REV3L: variants seen among roughly 807,000 people sequenced by gnomAD.
REV3L encodes the protein DNA polymerase zeta catalytic subunit.
REV3L carries 69 observed loss-of-function variants against 299.4 expected under a neutral mutation model. The observed-to-expected ratio is 0.23, with a 90% confidence interval of 0.19 to 0.28. The LOEUF is 0.28. Ranked by LOEUF, REV3L falls within the 10% of genes least tolerant of loss-of-function variation. The probability of loss-of-function intolerance (pLI) is 1.00; values close to 1 mark genes in which losing one functional copy is unlikely to be tolerated. For synonymous variants in REV3L, 1,238 were observed against 1,271.4 expected, an observed-to-expected ratio of 0.97 and a Z score of 0.56; for missense variants, 3,128 against 3,693.8, an observed-to-expected ratio of 0.85 and a Z score of 3.97.
At chr6:111,306,206 C>T (rs946202047) in intron 31 of REV3L, among the ~76,000 whole-genome samples, 7 of 152,022 alleles carry the variant, frequency 4.6e-5, no homozygotes, top group African/African-American at 1.4e-4. Flanking sequence ...AGGCTTCACC[C>T]AGTCCAGAGG....
At chr6:111,446,949 C>A (rs1426272421) in intron 1 of REV3L, among the ~76,000 whole-genome samples, 1 of 152,120 alleles carries the variant, frequency 6.6e-6, no homozygotes, top group East Asian at 1.9e-4. Flanking sequence ...CTATATGAGA[C>A]TTCTTTACCT....
intron 27 of REV3L, 35 bp downstream of exon 27, chr6:111,315,232 T>C (rs1773395324): frequency 6.7e-7 from 1 of 1,502,942 alleles, no homozygotes; most frequent in African/African-American, 1.4e-5. Flanking sequence ...GTATATGAAT[T>C]TTATATGTAA....
chr6:111,359,085 T>C (rs1425279173), intron 16 of REV3L, 71 bp from the exon 17 acceptor site: 1 of 1,276,596 alleles, frequency 7.8e-7, no homozygotes, highest in Non-Finnish European at 1.1e-6. Flanking sequence ...TATGTAAGGC[T>C]CTAGGGAAAT....
Position 111,374,535 on chromosome 6 carries a change from C to T in REV3L, c.3820G>A (p.Val1274Ile). ...AGGGAAGCAGAAAGGGGATGATCTA[C>T]AGCAGAGCCCATTAGTGGCATATCT... ...QKDMPLMGSAVDHPLSASLPT... is the reference protein window; with the variant it reads ...QKDMPLMGSAIDHPLSASLPT... Residue 1274 changes from valine to isoleucine, a missense_variant, in exon 13 of 32, where the codon GTA becomes ATA. By Grantham distance (29) the Val-to-Ile change is conservative. Around this residue, in one of 9 missense-constraint regions of REV3L, gnomAD observed 2,409 missense variants for 2,611.8 expected, o/e 0.92. Transcript: ENST00000368802. 2 of 1,614,026 alleles carry T rather than the reference C, an allele frequency of 1.2e-6. No homozygotes were observed. Among genetic ancestry groups the T allele is most frequent in the South Asian group, 1.1e-5 (1 of 91,068 alleles).
At chr6:111,318,738 T>C (rs1773808772) in intron 26 of REV3L, among the ~76,000 whole-genome samples, 1 of 151,714 alleles carries the variant, frequency 6.6e-6, no homozygotes, top group Non-Finnish European at 1.5e-5. Context: ...GCCCGGCTAA[T>C]TTTGTATTTT....
At position 111,315,342 on chromosome 6, in the gene REV3L, A is replaced by G; in HGVS notation, c.8391T>C (p.Ser2797=). Reference sequence around the variant, plus strand: ...CGGCAATTTCCTGACCAATCTTAAAAGACTGCTCCTTAGTGGCTCCTTTCA... The same window carrying G: ...CGGCAATTTCCTGACCAATCTTAAAGGACTGCTCCTTAGTGGCTCCTTTCA... ...VLLKGATKEQ[S]FKIGQEIAEA... is the part of the protein sequence containing the mutation. Residue 2797 remains serine, a synonymous_variant, in exon 27 of 32, where the codon TCT becomes TCC. Coordinates refer to ENST00000368802, the MANE Select transcript of REV3L (RefSeq NM_001372078.1). 2 of 1,614,102 alleles carry G rather than the reference A, an allele frequency of 1.2e-6. No homozygotes were observed. The highest frequency in any genetic ancestry group is 1.7e-6 in the Non-Finnish European group (2 of 1,179,998).
intron 1 of REV3L, among the ~76,000 whole-genome samples, chr6:111,436,201 T>C (rs544454969): frequency 9.8e-5 from 15 of 152,338 alleles, no homozygotes; most frequent in Admixed American, 7.8e-4. Context: ...CGTACACCAC[T>C]GCTGGGAATG....
intron 27 of REV3L, among the ~76,000 whole-genome samples, chr6:111,314,346 A>G (rs1773293314): frequency 6.6e-6 from 1 of 152,192 alleles, no homozygotes; most frequent in African/African-American, 2.4e-5. Context: ...CTTTAAATCT[A>G]GAGAGGCGTG....
intron 21 of REV3L, among the ~76,000 whole-genome samples, chr6:111,336,229 A>C (rs1386717712): frequency 6.6e-6 from 1 of 152,010 alleles, no homozygotes; most frequent in East Asian, 1.9e-4. Context: ...TACCTTCTTA[A>C]GAAAACAAAC....
chr6:111,339,085 A>T (rs1776229452), intron 21 of REV3L, among the ~76,000 whole-genome samples: 1 of 152,004 alleles, frequency 6.6e-6, no homozygotes, highest in Admixed American at 6.6e-5. Context: ...AAACTTAATA[A>T]CCTTTGCTGC....
In REV3L at chr6:111,374,737, C is replaced by G. The variant is rs1185311270; in HGVS notation, c.3618G>C (p.Lys1206Asn). The part of the protein sequence containing the change: ...QTNKLVDDGK[K>N]KPRAKQKTNE... The stretch of plus-strand genomic sequence containing the variant: ...TTGTTTTTTGTTTTGCTCTTGGTTT[C>G]TTTTTTCCATCATCTACTAGTTTAT... The change falls in exon 13 of 32, where the codon AAG (lysine) becomes AAC (asparagine). Residue 1206 changes from lysine (K) to asparagine (N), a missense_variant. Physicochemically the swap from Lys to Asn is moderately conservative, Grantham distance 94 (BLOSUM62 0). Coordinates refer to ENST00000368802, the MANE Select transcript of REV3L (RefSeq NM_001372078.1). The G allele has an allele frequency of 6.2e-7, 1 of 1,612,844 alleles. No homozygotes were observed. Among genetic ancestry groups the G allele is most frequent in the Non-Finnish European group, 8.5e-7 (1 of 1,179,652 alleles).
chr6:111,335,981 A>G (rs903751505), intron 21 of REV3L, among the ~76,000 whole-genome samples: 9 of 151,816 alleles, frequency 5.9e-5, no homozygotes, highest in Non-Finnish European at 1.2e-4. Flanking sequence ...ATTATTTATC[A>G]TATCTATAGA....
chr6:111,342,664 T>C (rs1447680233), intron 21 of REV3L, among the ~76,000 whole-genome samples: 1 of 117,226 alleles, frequency 8.5e-6, no homozygotes, highest in African/African-American at 2.6e-5. Context: ...CGAGACTCTG[T>C]CTCAAAAAAA....
chr6:111,378,894 T>G (rs1780563346), intron 11 of REV3L, among the ~76,000 whole-genome samples: 1 of 152,192 alleles, frequency 6.6e-6, no homozygotes, highest in African/African-American at 2.4e-5. Flanking sequence ...CTAGTTTTCT[T>G]CCTCTTCTTT....
In REV3L at chr6:111,373,210, G is replaced by C; in HGVS notation, c.5145C>G (p.Ala1715=). The change falls in exon 13 of 32, where the codon GCC becomes GCG. Residue 1715 remains alanine, a synonymous_variant. Coordinates refer to ENST00000368802, the MANE Select transcript of REV3L (RefSeq NM_001372078.1). ...DEDKHHTTDS[A]SWIRSGTLSP... ...TTAAAGTACCAGATCTAATCCATGAGGCTGAGTCTGTGGTATGATGCTTGT... is the reference window on the plus strand; with the variant it reads ...TTAAAGTACCAGATCTAATCCATGACGCTGAGTCTGTGGTATGATGCTTGT... The C allele has an allele frequency of 6.2e-7, 1 of 1,614,100 alleles. No individual in the cohort carries two copies. The highest frequency in any genetic ancestry group is 8.5e-7 in the Non-Finnish European group (1 of 1,179,996).
chr6:111,417,366 A>AGTGGTTACT (rs1268578015), intron 1 of REV3L, among the ~76,000 whole-genome samples: 1 of 152,208 alleles, frequency 6.6e-6, no homozygotes, highest in Non-Finnish European at 1.5e-5. Flanking sequence ...GCTGTATGGA[A>AGTGGTTACT]GTGGTTACTG....
chr6:111,314,849 C>CT (rs398066168), intron 27 of REV3L, among the ~76,000 whole-genome samples: 29,625 of 132,612 alleles, frequency 0.22, 3,438 homozygotes, highest in Non-Finnish European at 0.27. Context: ...TATTTAAATA[C>CT]TTTTTTTTTT....
chr6:111,464,566 A>C (rs1583088202), intron 1 of REV3L, among the ~76,000 whole-genome samples: 1 of 152,248 alleles, frequency 6.6e-6, no homozygotes, highest in East Asian at 1.9e-4. Context: ...AAGAAATAAA[A>C]AGACAGACTT....
chr6:111,369,064 A>C lies in REV3L; in HGVS notation c.5760-1036T>G, dbSNP rs573980296. 2.6e-5 allele frequency among the ~76,000 whole-genome samples: 4 copies of C among 152,252 alleles called. No individual in the cohort carries two copies. The South Asian group carries it at 8.3e-4, about 32-fold the overall frequency. On this transcript the variant is annotated intron_variant, in intron 13 of 31. Coordinates refer to ENST00000368802, the MANE Select transcript of REV3L (RefSeq NM_001372078.1). The stretch of plus-strand genomic sequence containing the variant: ...TGGCAATGTGAAAAAACAGAAACAG[A>C]ATTAATGCTGTTGAAGGAAATGAAT...
Sources: gnomAD v4.1 joint callset for allele counts (sites outside exome capture counted in the v4.1 genomes callset) on GRCh38, gnomAD v4.1.1 for gene constraint, gnomAD v4.1.1 regional missense constraint, MANE v1.5 for transcripts, NCBI Gene and HGNC (gene_info 2026-07-23, HGNC 2026-07-21) for gene names.